The following MYO5B variants were observed in gnomAD, a reference collection of about 807,000 sequenced individuals.
The protein encoded by MYO5B is myosin VB.
MYO5B carries 143 observed loss-of-function variants against 229.3 expected under a neutral mutation model. The ratio of observed to expected loss-of-function variants is 0.62; its 90% CI spans 0.54 to 0.72. The LOEUF (loss-of-function observed/expected upper bound fraction) is 0.72, where lower values mean the gene tolerates loss of function less well. Ranked by LOEUF, MYO5B falls within the 30% of genes least tolerant of loss-of-function variation. The pLI is 0.00. For missense variants in MYO5B, 2,321 were observed against 2,331.0 expected (o/e 1.00, Z 0.09); for synonymous variants, 918 against 885.2 (o/e 1.04, Z -0.66).
intron 1 of MYO5B, among the ~76,000 whole-genome samples, chr18:50,151,485 T>A (rs2032597299): frequency 6.6e-6 from 1 of 152,162 alleles, no homozygotes; most frequent in Non-Finnish European, 1.5e-5. Flanking sequence ...TTCAAAGCCT[T>A]CTTGGATAGG....
chr18:49,890,614 C>G (rs1287942791), intron 22 of MYO5B, among the ~76,000 whole-genome samples: 1 of 152,120 alleles, frequency 6.6e-6, no homozygotes, highest in African/African-American at 2.4e-5. Flanking sequence ...CTTATGTTTT[C>G]AAGAGGGATA....
intron 22 of MYO5B, among the ~76,000 whole-genome samples, chr18:49,885,190 A>G (rs78141475): frequency 0.012 from 1,816 of 152,326 alleles, 34 homozygotes; most frequent in African/African-American, 0.041. Flanking sequence ...TGACTGACAC[A>G]AAGAACAACC....
intron 1 of MYO5B, among the ~76,000 whole-genome samples, chr18:50,094,460 GT>G (rs143575740): frequency 0.15 from 22,167 of 151,606 alleles, 1,701 homozygotes; most frequent in East Asian, 0.23. Flanking sequence ...TAAGTACTGA[GT>G]TTTTTTTTGT....
intron 1 of MYO5B, among the ~76,000 whole-genome samples, chr18:50,158,588 T>C (rs1489110033): frequency 6.6e-6 from 1 of 152,196 alleles, no homozygotes; most frequent in Non-Finnish European, 1.5e-5. Context: ...CAAAATCCCA[T>C]ACTGTGGAAA....
intron 4 of MYO5B, among the ~76,000 whole-genome samples, chr18:50,008,525 C>CA (rs2026127872): frequency 6.6e-6 from 1 of 152,186 alleles, no homozygotes; most frequent in South Asian, 2.1e-4. Flanking sequence ...GATTCACCCA[C>CA]AGGAAGGGGA....
intron 2 of MYO5B, among the ~76,000 whole-genome samples, chr18:50,043,549 AATGT>A (rs1328660333): frequency 3.2e-5 from 4 of 126,598 alleles, no homozygotes; most frequent in Non-Finnish European, 4.7e-5. Context: ...TATAAATATA[AATGT>A]ATTTATAAGT....
At chr18:49,954,614 C>T (rs1598909252) in intron 12 of MYO5B, among the ~76,000 whole-genome samples, 179 bp from the exon 13 acceptor site, 1 of 152,178 alleles carries the variant, frequency 6.6e-6, no homozygotes. Context: ...GATCCGGCCA[C>T]GGCGTGCCCT....
Position 50,055,223 on chromosome 18 carries a change from C to CGGG in MYO5B, c.138+44_138+45insCCC. ...CCTGTTCCTTGCACACCTGAGCTCCCTGCCCCACCTCACCCCCGCCCCCCT... is the reference window on the plus strand; with the variant it reads ...CCTGTTCCTTGCACACCTGAGCTCCCGGGTGCCCCACCTCACCCCCGCCCCCCT... On this transcript the variant is annotated intron_variant, in intron 2 of 39. Transcript: ENST00000285039. The CGGG allele has an allele frequency of 6.8e-6, 5 of 739,484 alleles. No homozygotes were observed. The East Asian group carries it at 7.7e-5, about 11-fold the overall frequency. 45.8% of individuals were successfully genotyped at this position (739,484 alleles called of 1,614,324 possible). A position where few individuals can be genotyped will look rare whatever the true frequency, so the allele number is the denominator to read the frequency against.
At chr18:49,882,626 CAA>C (rs10683323) in intron 22 of MYO5B, among the ~76,000 whole-genome samples, 3 of 93,802 alleles carry the variant, frequency 3.2e-5, no homozygotes, top group Admixed American at 1.3e-4. Flanking sequence ...GAAATCATCT[CAA>C]AAAAAAAAAA....
intron 1 of MYO5B, among the ~76,000 whole-genome samples, chr18:50,123,874 T>A (rs1481475858): frequency 6.6e-6 from 1 of 152,228 alleles, no homozygotes; most frequent in Non-Finnish European, 1.5e-5. Flanking sequence ...TACAGCCTAG[T>A]GGATCATTTG....
Position 49,904,806 on chromosome 18 carries a change from T to G in MYO5B, c.2437A>C (p.Ile813Leu). Reference protein sequence around the residue: ...ARRLAEHLRRIRAAVVLQKHY... With the variant: ...ARRLAEHLRRLRAAVVLQKHY... Reference sequence around the variant, plus strand: ...TTCTGGAGCACCACAGCCGCTCTGATCCTCCGCAGGTGCTCAGCCAGCCTG... The same window carrying G: ...TTCTGGAGCACCACAGCCGCTCTGAGCCTCCGCAGGTGCTCAGCCAGCCTG... Residue 813 changes from isoleucine (I) to leucine (L), a missense_variant, in exon 20 of 40, where the codon ATC (isoleucine) becomes CTC (leucine). Transcript: ENST00000285039. 3 of 1,613,872 alleles carry G rather than the reference T, an allele frequency of 1.9e-6. No homozygotes were observed. Among genetic ancestry groups the G allele is most frequent in the Non-Finnish European group, 2.5e-6 (3 of 1,180,012 alleles).
chr18:50,152,194 C>G (rs1318179992), intron 1 of MYO5B, among the ~76,000 whole-genome samples: 1 of 152,160 alleles, frequency 6.6e-6, no homozygotes, highest in Admixed American at 6.5e-5. Flanking sequence ...AATGGTGCCT[C>G]CCCCACCCCG....
In MYO5B at chr18:50,082,849, T is replaced by C. The variant is rs530759851; in HGVS notation, c.28-27471A>G. Among the ~76,000 whole-genome samples, 8 of 152,312 alleles carry C rather than the reference T, an allele frequency of 5.3e-5. No individual in the cohort carries two copies. In the South Asian group the frequency reaches 1.7e-3, roughly 32 times the overall value. On this transcript the variant is annotated intron_variant, in intron 1 of 39. Transcript: ENST00000285039. ...ACTTCTGACACCAGATATGTGGACT[T>C]CTAACACCAGATATGTGGGCTTCTT...
chr18:49,996,171 C>A (rs2025985169), intron 5 of MYO5B, among the ~76,000 whole-genome samples: 1 of 152,168 alleles, frequency 6.6e-6, no homozygotes. Context: ...AAGATCACTG[C>A]CAAAAGATTG....
chr18:50,143,901 G>C (rs778937787), intron 1 of MYO5B, among the ~76,000 whole-genome samples: 5 of 152,142 alleles, frequency 3.3e-5, no homozygotes, highest in Non-Finnish European at 5.9e-5. Context: ...GTCTTGCTTA[G>C]GGCCAAGCAC....
At chr18:49,826,951 GTTT>G in intron 39 of MYO5B, among the ~76,000 whole-genome samples, 1 of 147,428 alleles carries the variant, frequency 6.8e-6, no homozygotes, top group East Asian at 2.0e-4. Context: ...AAGGGCATGG[GTTT>G]TTTTTTTTAG....
intron 16 of MYO5B, among the ~76,000 whole-genome samples, chr18:49,932,082 T>TA (rs559826271): frequency 5.9e-5 from 9 of 152,184 alleles, no homozygotes; most frequent in Non-Finnish European, 1.0e-4. Context: ...CTCCTACTGT[T>TA]TCCTCATGGT....
intron 29 of MYO5B, among the ~76,000 whole-genome samples, chr18:49,862,793 T>C (rs1486865978): frequency 1.3e-5 from 2 of 152,172 alleles, no homozygotes; most frequent in African/African-American, 2.4e-5. Flanking sequence ...CCATCTGTTC[T>C]GAATGACAGA....
At chr18:50,137,501 T>C (rs2032353857) in intron 1 of MYO5B, among the ~76,000 whole-genome samples, 1 of 152,232 alleles carries the variant, frequency 6.6e-6, no homozygotes, top group Non-Finnish European at 1.5e-5. Flanking sequence ...CTGTATAGAT[T>C]ATCTTCAATG....
Sources: allele counts gnomAD v4.1 joint callset (sites outside exome capture counted in the v4.1 genomes callset), GRCh38; gene constraint gnomAD v4.1.1; transcripts MANE v1.5; gene names NCBI Gene and HGNC (gene_info 2026-07-23, HGNC 2026-07-21).